The following DPY19L3 variants were observed in gnomAD, a reference collection of about 807,000 sequenced individuals.
DPY19L3 encodes protein C-mannosyl-transferase DPY19L3.
In DPY19L3, 51 loss-of-function variants were observed where a neutral mutation model predicts 92.3. The ratio of observed to expected loss-of-function variants is 0.55; its 90% CI spans 0.44 to 0.70. DPY19L3 has a LOEUF of 0.70. DPY19L3 is among the 30% of genes least tolerant of loss of function. The pLI is 0.00. For missense variants in DPY19L3, 706 were observed against 855.9 expected (o/e 0.82, Z 2.18); for synonymous variants, 309 against 315.2 (o/e 0.98, Z 0.21).
rs1465204182 is a variant in DPY19L3, at chr19:32,437,187, T to G, written c.451-7T>G. Reference sequence around the variant, plus strand: ...TGACAAACATGTTTTATTGTTCCCTTTTACAGAAATATTTAGAGCCAGTTT... The same window carrying G: ...TGACAAACATGTTTTATTGTTCCCTGTTACAGAAATATTTAGAGCCAGTTT... On this transcript the variant is annotated splice_polypyrimidine_tract_variant and splice_region_variant and intron_variant, in intron 5 of 18. Coordinates refer to ENST00000392250, the MANE Select transcript of DPY19L3 (RefSeq NM_001172774.2). 1.2e-6 allele frequency: 2 copies of G among 1,613,922 alleles called. No homozygotes were observed. The highest frequency in any genetic ancestry group is 2.2e-5 in the South Asian group (2 of 91,048).
At position 32,482,264 on chromosome 19, in the gene DPY19L3, T is replaced by C; in HGVS notation, c.*24T>C. 1 of 1,598,996 alleles carries C rather than the reference T, an allele frequency of 6.3e-7. No individual in the cohort carries two copies. Among genetic ancestry groups the C allele is most frequent in the Non-Finnish European group, 8.5e-7 (1 of 1,174,650 alleles). On this transcript the variant is annotated 3_prime_UTR_variant, in exon 19 of 19. Coordinates refer to ENST00000392250, the MANE Select transcript of DPY19L3 (RefSeq NM_001172774.2). ...AGCGCAGATTTCTGCCCAGTGTCTA[T>C]TTTTGATACGGAGAAACTGCATCAT...
At chr19:32,467,639 T>C in intron 15 of DPY19L3, 1 of 987,622 alleles carries the variant, frequency 1.0e-6, no homozygotes, top group Non-Finnish European at 1.2e-6. Flanking sequence ...GCTGCTTTGA[T>C]TCTACTAGTG....
At chr19:32,408,131 A>G in intron 1 of DPY19L3, 86 bp from the exon 2 acceptor site, 2 of 683,942 alleles carry the variant, frequency 2.9e-6, no homozygotes, top group South Asian at 1.9e-5. Flanking sequence ...GGAAAATGGC[A>G]TAAGTAAAGG....
chr19:32,413,121 T>C (rs1354196298), intron 3 of DPY19L3: 2 of 152,202 alleles, frequency 1.3e-5, no homozygotes, highest in South Asian at 2.1e-4. Flanking sequence ...GTCATGATCT[T>C]TAACCTAAAC....
intron 3 of DPY19L3, among the ~76,000 whole-genome samples, chr19:32,420,048 C>T (rs1360078034): frequency 2.6e-5 from 4 of 151,292 alleles, no homozygotes; most frequent in African/African-American, 4.9e-5. Flanking sequence ...TTAGTGGAGA[C>T]GGGGTTTCAC....
chr19:32,417,930 G>A (rs1968431994), intron 3 of DPY19L3, among the ~76,000 whole-genome samples: 1 of 152,182 alleles, frequency 6.6e-6, no homozygotes, highest in Admixed American at 6.5e-5. Flanking sequence ...ATGTTGTGAG[G>A]CACTTTTAAA....
intron 3 of DPY19L3, among the ~76,000 whole-genome samples, chr19:32,421,811 A>T (rs1464607011): frequency 6.6e-6 from 1 of 152,076 alleles, no homozygotes; most frequent in African/African-American, 2.4e-5. Context: ...CCACTCTGCT[A>T]TGAAGAACAG....
intron 15 of DPY19L3, chr19:32,468,213 T>G: frequency 1.2e-5 from 11 of 909,718 alleles, no homozygotes; most frequent in Non-Finnish European, 1.4e-5. Flanking sequence ...CAGTGGGTGA[T>G]GCTGCCTGTT....
chr19:32,467,582 C>CA (rs1178524752), intron 15 of DPY19L3: 14 of 987,180 alleles, frequency 1.4e-5, no homozygotes, highest in African/African-American at 5.2e-5. Flanking sequence ...ATGAGATGAC[C>CA]AAAAAAACAG....
intron 15 of DPY19L3, among the ~76,000 whole-genome samples, chr19:32,467,208 T>A (rs939133192): frequency 5.3e-5 from 8 of 152,222 alleles, no homozygotes; most frequent in African/African-American, 1.7e-4. Context: ...TTCAGCACTT[T>A]CATATTGTTA....
Position 32,463,435 on chromosome 19 carries a change from C to T in DPY19L3, c.1392C>T (p.Ala464=). The change falls in exon 13 of 19, where the codon GCC becomes GCT. Residue 464 remains alanine, a synonymous_variant. Transcript: ENST00000392250. ...CAGTTGACCTGAAACCAGAAACTGCCTACAACTTAATACATACCATTCTGT... is the reference window on the plus strand; with the variant it reads ...CAGTTGACCTGAAACCAGAAACTGCTTACAACTTAATACATACCATTCTGT... ...KGTVDLKPET[A]YNLIHTILFG... The T allele has an allele frequency of 6.2e-7, 1 of 1,613,804 alleles. No homozygotes were observed. The highest frequency in any genetic ancestry group is 2.2e-5 in the East Asian group (1 of 44,816).
intron 3 of DPY19L3, among the ~76,000 whole-genome samples, chr19:32,421,909 C>T (rs1019834666): frequency 1.3e-5 from 2 of 152,026 alleles, no homozygotes; most frequent in Admixed American, 1.3e-4. Flanking sequence ...TGAAGGGAGG[C>T]AACCTGCATT....
chr19:32,433,662 A>T lies in DPY19L3; in HGVS notation c.328+856A>T, dbSNP rs995160963. Among the ~76,000 whole-genome samples the T allele has an allele frequency of 2.6e-5, 4 of 152,050 alleles. No individual in the cohort carries two copies. In the East Asian group the frequency reaches 5.8e-4, roughly 22 times the overall value. On this transcript the variant is annotated intron_variant, in intron 4 of 18. Transcript: ENST00000392250. ...GGTCTCAAACTCCTGAGCTCAAGTG[A>T]TCCTCCTGCCTCAGCCTCCCAGTGT... is the stretch of plus-strand genomic sequence containing the variant.
intron 16 of DPY19L3, among the ~76,000 whole-genome samples, chr19:32,470,614 A>G (rs1970327604): frequency 6.6e-6 from 1 of 152,190 alleles, no homozygotes; most frequent in South Asian, 2.1e-4. Flanking sequence ...AAATTAAAAT[A>G]ACATTTCTGG....
intron 3 of DPY19L3, among the ~76,000 whole-genome samples, chr19:32,420,318 C>A (rs1968526196): frequency 6.6e-6 from 1 of 152,102 alleles, no homozygotes. Flanking sequence ...TGTGAAGAAT[C>A]TGGATGGGAA....
At chr19:32,413,581 C>T (rs934559916) in intron 3 of DPY19L3, among the ~76,000 whole-genome samples, 1 of 151,616 alleles carries the variant, frequency 6.6e-6, no homozygotes, top group African/African-American at 2.4e-5. Flanking sequence ...GGTATATCTC[C>T]CTATGCTATC....
intron 10 of DPY19L3, 29 bp downstream of exon 10, chr19:32,455,069 G>A (rs773385674): frequency 7.4e-6 from 10 of 1,356,244 alleles, no homozygotes; most frequent in Middle Eastern, 1.9e-4. Flanking sequence ...CATGTTTAAT[G>A]TATTTTTAAT....
At chr19:32,439,945 G>A (rs766355558) in intron 8 of DPY19L3, 35 bp downstream of exon 8, 7 of 1,607,354 alleles carry the variant, frequency 4.4e-6, no homozygotes, top group Non-Finnish European at 5.9e-6. Flanking sequence ...TTGAGATTTT[G>A]GCCATTTAGT....
chr19:32,434,439 C>T (rs1233778594), intron 4 of DPY19L3, among the ~76,000 whole-genome samples: 1 of 152,100 alleles, frequency 6.6e-6, no homozygotes, highest in Non-Finnish European at 1.5e-5. Flanking sequence ...GATGGATCAC[C>T]TGAGGTCGGG....
Sources: allele counts gnomAD v4.1 joint callset (sites outside exome capture counted in the v4.1 genomes callset), GRCh38; gene constraint gnomAD v4.1.1; transcripts MANE v1.5; gene names NCBI Gene and HGNC (gene_info 2026-07-23, HGNC 2026-07-21).